PSMD13: variants seen among roughly 807,000 people sequenced by gnomAD.
PSMD13 encodes proteasome 26S subunit, non-ATPase 13, also known as 26S proteasome non-ATPase regulatory subunit 13.
PSMD13 carries 8 observed loss-of-function variants against 57.4 expected under a neutral mutation model. The ratio of observed to expected loss-of-function variants is 0.14; its 90% CI spans 0.08 to 0.25. PSMD13 has a LOEUF of 0.25. Among genes scored for constraint, PSMD13 ranks in the 10% least tolerant of loss-of-function variants. The pLI is 1.00. For synonymous variants in PSMD13, 193 were observed against 168.2 expected (o/e 1.15, Z -1.14); for missense variants, 400 against 461.5 (o/e 0.87, Z 1.22).
chr11:247,418 T>C lies in PSMD13; in HGVS notation c.538T>C (p.Leu180=). 6.2e-7 allele frequency: 1 copy of C among 1,614,058 alleles called. No homozygotes were observed. Among genetic ancestry groups the C allele is most frequent in the Middle Eastern group, 1.6e-4 (1 of 6,062 alleles). The part of the protein sequence containing the change: ...ASYYKDALRF[L]GCVDIKDLPV... ...CTACTACAAAGATGCTCTGCGGTTT[T>C]TGGGCTGTGTTGACATCAAGGATCT... The change falls in exon 7 of 13, where the codon TTG becomes CTG. Residue 180 remains leucine (L), a synonymous_variant. Transcript: ENST00000532097.
At chr11:240,702 G>T (rs1859494925) in intron 2 of PSMD13, among the ~76,000 whole-genome samples, 1 of 152,154 alleles carries the variant, frequency 6.6e-6, no homozygotes, top group African/African-American at 2.4e-5. Flanking sequence ...TGACTTTCTG[G>T]ACTTAGTGGG....
chr11:242,556 T>C (rs1859537161), intron 2 of PSMD13, among the ~76,000 whole-genome samples: 1 of 121,152 alleles, frequency 8.3e-6, no homozygotes, highest in South Asian at 2.3e-4. Context: ...CCAAAAAAAC[T>C]GCGTTGAATG....
In PSMD13 at chr11:244,748, T is replaced by C; in HGVS notation, c.383T>C (p.Leu128Pro). The change falls in exon 6 of 13, where the codon CTA becomes CCA. Residue 128 changes from leucine to proline, a missense_variant. Physicochemically the swap from Leu to Pro is moderately conservative, Grantham distance 98 (BLOSUM62 -3). Coordinates refer to ENST00000532097, the MANE Select transcript of PSMD13 (RefSeq NM_002817.4). ...GCTCTAAAATTAAACATCGGGGACC[T>C]ACAGGTTACAAAGGTGAGATCACCA... ...IGALKLNIGD[L>P]QVTKETIEDV... The C allele has an allele frequency of 6.2e-7, 1 of 1,611,568 alleles. No individual in the cohort carries two copies. The highest frequency in any genetic ancestry group is 8.5e-7 in the Non-Finnish European group (1 of 1,177,848).
rs1441734028 is a variant in PSMD13 at position 251,654 on chromosome 11, A to G, written c.918+28A>G. On this transcript the variant is annotated intron_variant, in intron 11 of 12. Coordinates refer to ENST00000532097, the MANE Select transcript of PSMD13 (RefSeq NM_002817.4). This position sits in a 1 kb window ranked among gnomAD's most constrained non-coding sequence, Gnocchi z 4.6. ...ACGGTCCCTAGGCTCAGGGTGTTAG[A>G]GCAGCAAAGCTGCCACATGGAGGAG... The G allele has an allele frequency of 6.3e-7, 1 of 1,594,334 alleles. No individual in the cohort carries two copies. The highest frequency in any genetic ancestry group is 1.7e-5 in the Admixed American group (1 of 59,410).
chr11:251,803 C>T lies in PSMD13; in HGVS notation c.919-17C>T. The T allele has an allele frequency of 2.5e-6, 4 of 1,611,010 alleles. No individual in the cohort carries two copies. The highest frequency in any genetic ancestry group is 1.1e-5 in the South Asian group (1 of 90,864). On this transcript the variant is annotated splice_polypyrimidine_tract_variant and intron_variant, in intron 11 of 12. Coordinates refer to ENST00000532097, the MANE Select transcript of PSMD13 (RefSeq NM_002817.4). This position sits in a 1 kb window ranked among gnomAD's most constrained non-coding sequence, Gnocchi z 4.6. ...GTCAGGCTATCTTGTCTTACACACG[C>T]CTCCCTCTCTGCACAGGTGGAGCTT...
At chr11:240,792 T>G (rs1013946423) in intron 2 of PSMD13, among the ~76,000 whole-genome samples, 1 of 152,226 alleles carries the variant, frequency 6.6e-6, no homozygotes, top group African/African-American at 2.4e-5. Context: ...AAGATATCTT[T>G]GAAATAGTCT....
Position 252,125 on chromosome 11 carries a change from T to C in PSMD13, c.1035+189T>C, listed in dbSNP as rs1859775614. 2 of 579,622 alleles carry C rather than the reference T, an allele frequency of 3.5e-6. No homozygotes were observed. Among genetic ancestry groups the C allele is most frequent in the South Asian group, 4.3e-5 (2 of 46,160 alleles). The allele number at this position is 579,622 out of a possible 1,614,324, so 35.9% of individuals were successfully genotyped here. On this transcript the variant is annotated intron_variant, in intron 12 of 12. Coordinates refer to ENST00000532097, the MANE Select transcript of PSMD13 (RefSeq NM_002817.4). This position sits in a 1 kb window ranked among gnomAD's most constrained non-coding sequence, Gnocchi z 4.1. Reference sequence around the variant, plus strand: ...TAATGCAAGCCTAGGGTTTGAACCCTGCATTTAAAAGCTTATGATGACAAT... The same window carrying C: ...TAATGCAAGCCTAGGGTTTGAACCCCGCATTTAAAAGCTTATGATGACAAT...
In PSMD13 at chr11:251,738, G is replaced by A. The variant is rs1859768652; in HGVS notation, c.919-82G>A. 6.5e-7 allele frequency: 1 copy of A among 1,532,942 alleles called. No homozygotes were observed. The highest frequency in any genetic ancestry group is 1.4e-5 in the African/African-American group (1 of 72,822). The allele number at this position is 1,532,942 out of a possible 1,614,324, so 95.0% of individuals were successfully genotyped here. A position where few individuals can be genotyped will look rare whatever the true frequency, so the allele number is the denominator to read the frequency against. On this transcript the variant is annotated intron_variant, in intron 11 of 12. Transcript: ENST00000532097. The surrounding 1 kb of genome is among the most constrained non-coding windows in gnomAD (Gnocchi z 4.6). Reference sequence around the variant, plus strand: ...ACAGTAAAAAATGACGGGAGGAGCGGCATCTGCTTCTCACAAGCCATCTGG... The same window carrying A: ...ACAGTAAAAAATGACGGGAGGAGCGACATCTGCTTCTCACAAGCCATCTGG...
At chr11:244,566 C>A in intron 5 of PSMD13, 97 bp downstream of exon 5, 2 of 1,512,228 alleles carry the variant, frequency 1.3e-6, no homozygotes, top group South Asian at 1.1e-5. Context: ...CTTTAGAGAC[C>A]ACAAGGCCTC....
chr11:252,397 A>C lies in PSMD13; in HGVS notation c.1036-108A>C. ...AGGTCCTTTTTACTAGAGCTGCCCT[A>C]GAGAGTTAGCTGGAGATGTAGAGTC... On this transcript the variant is annotated intron_variant, in intron 12 of 12. Coordinates refer to ENST00000532097, the MANE Select transcript of PSMD13 (RefSeq NM_002817.4). This position sits in a 1 kb window ranked among gnomAD's most constrained non-coding sequence, Gnocchi z 4.1. 8.2e-5 allele frequency: 81 copies of C among 990,718 alleles called. No individual in the cohort carries two copies. Among genetic ancestry groups the C allele is most frequent in the Non-Finnish European group, 1.0e-4 (64 of 626,194 alleles). The allele number at this position is 990,718 out of a possible 1,614,324, so 61.4% of individuals were successfully genotyped here. A position where few individuals can be genotyped will look rare whatever the true frequency, so the allele number is the denominator to read the frequency against.
intron 6 of PSMD13, among the ~76,000 whole-genome samples, chr11:245,290 A>G (rs534410650): frequency 6.6e-6 from 1 of 152,214 alleles, no homozygotes; most frequent in South Asian, 2.1e-4. Context: ...GTGTGTCTGT[A>G]GCTTTTTTCC....
At chr11:246,104 A>G (rs374601248) in intron 6 of PSMD13, among the ~76,000 whole-genome samples, 15 of 152,156 alleles carry the variant, frequency 9.9e-5, no homozygotes, top group Admixed American at 5.9e-4. Context: ...CATTGGCTCA[A>G]TACTAGGTTT....
chr11:251,284 A>G lies in PSMD13; in HGVS notation c.838-262A>G. The G allele has an allele frequency of 2.0e-6, 1 of 496,864 alleles. No homozygotes were observed. Among genetic ancestry groups the G allele is most frequent in the Non-Finnish European group, 3.6e-6 (1 of 279,254 alleles). The allele number at this position is 496,864 out of a possible 1,614,324, so 30.8% of individuals were successfully genotyped here. On this transcript the variant is annotated intron_variant, in intron 10 of 12. Transcript: ENST00000532097. This position sits in a 1 kb window ranked among gnomAD's most constrained non-coding sequence, Gnocchi z 4.6. ...GGTCACCCCTGGTCAACCCTGGCAA[A>G]TTGTGGCCTCAAGTACTTGTTCGGG... is the stretch of plus-strand genomic sequence containing the variant.
At chr11:244,239 A>G (rs150046594) in intron 4 of PSMD13, 23 bp downstream of exon 4, 2 of 1,607,244 alleles carry the variant, frequency 1.2e-6, no homozygotes, top group East Asian at 4.5e-5. Flanking sequence ...TTGTTTTATA[A>G]AGGAGCAGAT....
At chr11:245,702 TTGTGTGTGTTTGTGTGTG>T (rs1238235972) in intron 6 of PSMD13, among the ~76,000 whole-genome samples, 1 of 31,656 alleles carries the variant, frequency 3.2e-5, no homozygotes, top group Non-Finnish European at 1.0e-4. Flanking sequence ...GTTCGTGTGT[TTGTGTGTGTTTGTGTGTG>T]TGTGTTTGTG....
intron 9 of PSMD13, among the ~76,000 whole-genome samples, chr11:250,162 G>A (rs1010947871): frequency 4.6e-5 from 7 of 152,140 alleles, no homozygotes; most frequent in Admixed American, 6.5e-5. Flanking sequence ...TGTCCCCATC[G>A]GGGCTACCTG....
At chr11:250,773 G>A in intron 9 of PSMD13, 30 bp from the exon 10 acceptor site, 1 of 1,604,522 alleles carries the variant, frequency 6.2e-7, no homozygotes, top group Non-Finnish European at 8.5e-7. Flanking sequence ...AAACATGGAA[G>A]ACATTTTTCT....
At chr11:247,962 A>T (rs928690898) in intron 7 of PSMD13, 2 of 153,018 alleles carry the variant, frequency 1.3e-5, no homozygotes, top group African/African-American at 4.8e-5. Flanking sequence ...AAATGAGGCT[A>T]ATTCCTCCTC....
At chr11:247,505 C>T (rs1859676524) in intron 7 of PSMD13, 57 bp downstream of exon 7, 23 of 1,562,238 alleles carry the variant, frequency 1.5e-5, no homozygotes, top group Non-Finnish European at 1.9e-5. Flanking sequence ...AACTTAGCAT[C>T]TGTGAGTTGC....
Sources: gnomAD v4.1 joint callset for allele counts (sites outside exome capture counted in the v4.1 genomes callset) on GRCh38, gnomAD v4.1.1 for gene constraint, Gnocchi (gnomAD v3.1) non-coding constraint, MANE v1.5 for transcripts, NCBI Gene and HGNC (gene_info 2026-07-23, HGNC 2026-07-21) for gene names.